Variants in NAT10 observed in about 807,000 individuals in gnomAD.
NAT10 encodes N-acetyltransferase 10.
NAT10 carries 109 observed loss-of-function variants against 132.2 expected under a neutral mutation model. The ratio of observed to expected loss-of-function variants is 0.82; its 90% confidence interval spans 0.71 to 0.97. NAT10 has a LOEUF of 0.97. NAT10 is among the 50% of genes least tolerant of loss of function. The pLI is 0.00. For synonymous variants in NAT10, 479 were observed against 478.0 expected (o/e 1.00, Z -0.03); for missense variants, 1,184 against 1,263.4 (o/e 0.94, Z 0.95).
At chr11:34,130,762 A>C (rs549558295) in intron 12 of NAT10, 51 bp from the exon 13 acceptor site, 3 of 1,609,228 alleles carry the variant, frequency 1.9e-6, no homozygotes, top group Non-Finnish European at 2.5e-6. Flanking sequence ...GTCCCCTCCT[A>C]GACAGTGGAT....
chr11:34,133,086 C>T lies in NAT10; in HGVS notation c.1678C>T (p.Leu560=), dbSNP rs1273867833. 6.2e-6 allele frequency: 10 copies of T among 1,613,302 alleles called. No homozygotes were observed. The highest frequency in any genetic ancestry group is 8.5e-6 in the Non-Finnish European group (10 of 1,179,302). The change falls in exon 16 of 29, where the codon CTG becomes TTG. Residue 560 remains leucine, a synonymous_variant. Transcript: ENST00000257829. ...ACCTGCTCACCATCTCTTCTGCCTT[C>T]TGCCTCCCGTGCCCCCCACCCAGAA... is the stretch of plus-strand genomic sequence containing the variant. The part of the protein sequence containing the change: ...DAPAHHLFCL[L]PPVPPTQNAL...
chr11:34,145,455 G>A (rs914953192), intron 28 of NAT10, among the ~76,000 whole-genome samples: 2 of 152,176 alleles, frequency 1.3e-5, no homozygotes, highest in Non-Finnish European at 2.9e-5. Context: ...TTTGTTCCCA[G>A]AGCAAAATTT....
chr11:34,107,154 C>T (rs1851610276), intron 1 of NAT10: 1 of 151,970 alleles, frequency 6.6e-6, no homozygotes, highest in African/African-American at 2.4e-5. Flanking sequence ...TTGCCTCAGC[C>T]TCTCCTGCAG....
chr11:34,131,603 C>T, intron 14 of NAT10, 72 bp downstream of exon 14: 1 of 1,469,188 alleles, frequency 6.8e-7, no homozygotes, highest in Non-Finnish European at 9.1e-7. Flanking sequence ...GGACTTGAGT[C>T]CTTTGTTTCA....
In NAT10 at chr11:34,141,787, G is replaced by C. The variant is rs1852338108; in HGVS notation, c.2781G>C (p.Glu927Asp). 2 of 1,613,830 alleles carry C rather than the reference G, an allele frequency of 1.2e-6. No individual in the cohort carries two copies. The highest frequency in any genetic ancestry group is 1.7e-4 in the Middle Eastern group (1 of 5,904). ...TGGCAGCGAAGGATGTGGTCATGGA[G>C]CCCACGATGAAGACCCTCAGTGACG... ...QMVAAKDVVM[E>D]PTMKTLSDDL... The change falls in exon 26 of 29, where the codon GAG (glutamate) becomes GAC (aspartate). Residue 927 changes from glutamate to aspartate, a missense_variant. Transcript: ENST00000257829.
At chr11:34,142,155 A>G (rs1419642996) in intron 26 of NAT10, 120 bp from the exon 27 acceptor site, 3 of 926,224 alleles carry the variant, frequency 3.2e-6, no homozygotes, top group Admixed American at 4.3e-5. Context: ...TTTTGCAGGT[A>G]GATGGAAGAG....
At chr11:34,126,962 C>T (rs547076380) in intron 11 of NAT10, among the ~76,000 whole-genome samples, 52 of 152,260 alleles carry the variant, frequency 3.4e-4, no homozygotes, top group Non-Finnish European at 4.7e-4. Flanking sequence ...GCACAGTGCC[C>T]GGCATGAGAA....
At chr11:34,142,096 A>G (rs941198378) in intron 26 of NAT10, 179 bp from the exon 27 acceptor site, 23 of 648,512 alleles carry the variant, frequency 3.5e-5, no homozygotes, top group South Asian at 9.9e-5. Flanking sequence ...TCTTAAATGC[A>G]TAGTTTATAA....
At chr11:34,117,020 C>T (rs766318841) in intron 6 of NAT10, among the ~76,000 whole-genome samples, 2 of 152,120 alleles carry the variant, frequency 1.3e-5, no homozygotes, top group Non-Finnish European at 2.9e-5. Context: ...CGTGAGCCAC[C>T]GTGCCCGATC....
intron 6 of NAT10, among the ~76,000 whole-genome samples, chr11:34,117,468 G>A (rs1321995708): frequency 6.6e-6 from 1 of 152,152 alleles, no homozygotes; most frequent in Non-Finnish European, 1.5e-5. Context: ...AGAATTATCT[G>A]GTCCAAAATG....
Position 34,141,181 on chromosome 11 carries a change from C to T in NAT10, c.2685C>T (p.Phe895=), listed in dbSNP as rs1478588262. Residue 895 remains phenylalanine (F), a synonymous_variant, in exon 25 of 29, where the codon TTC becomes TTT. Coordinates refer to ENST00000257829, the MANE Select transcript of NAT10 (RefSeq NM_024662.3). ...ELPSGQLMGL[F]NRIIRKVVKL... ...CCTCGGGCCAGTTGATGGGACTTTT[C>T]AACCGGATCATCCGCAAAGTTGTGA... 6.2e-6 allele frequency: 10 copies of T among 1,613,936 alleles called. No individual in the cohort carries two copies. The highest frequency in any genetic ancestry group is 8.5e-6 in the Non-Finnish European group (10 of 1,180,020).
At chr11:34,141,039 G>T in intron 24 of NAT10, 50 bp from the exon 25 acceptor site, 1 of 1,611,784 alleles carries the variant, frequency 6.2e-7, no homozygotes, top group South Asian at 1.1e-5. Context: ...CCATTTTAAT[G>T]GGCAAGGGCG....
At position 34,113,715 on chromosome 11, in the gene NAT10, G is replaced by A. The variant is rs1313153016; in HGVS notation, c.373-1G>A. 1.2e-6 allele frequency: 2 copies of A among 1,611,706 alleles called. No individual in the cohort carries two copies. Among genetic ancestry groups the A allele is most frequent in the South Asian group, 2.2e-5 (2 of 90,732 alleles). The stretch of plus-strand genomic sequence containing the variant: ...CCCTTTCTAACGCCCCCTTCTTCCA[G>A]GATTTTGAAGCCTTAACTCCAAACT... On this transcript the variant is annotated splice_acceptor_variant, in intron 4 of 28. Transcript: ENST00000257829. LOFTEE classifies it high-confidence loss of function.
rs1401564656 is a variant in NAT10 at position 34,118,377 on chromosome 11, C to A, written c.673-19C>A. On this transcript the variant is annotated intron_variant, in intron 7 of 28. Transcript: ENST00000257829. ...TCCTGTGACAGTGACAGACCTTCCC[C>A]TTCTCCTCTCTCTGGTAGGATGAGA... 1 of 1,612,912 alleles carries A rather than the reference C, an allele frequency of 6.2e-7. No homozygotes were observed. The highest frequency in any genetic ancestry group is 1.7e-5 in the Admixed American group (1 of 60,008).
chr11:34,108,300 C>T lies in NAT10; in HGVS notation c.75C>T (p.Leu25=). The T allele has an allele frequency of 6.2e-7, 1 of 1,614,140 alleles. No homozygotes were observed. Among genetic ancestry groups the T allele is most frequent in the Non-Finnish European group, 8.5e-7 (1 of 1,180,004 alleles). ...ENGVAERQRS[L]FVVVGDRGKD... ...GAGTAGCTGAGCGGCAAAGATCTCT[C>T]TTTGTTGTAGTTGGGGATCGAGGAA... Residue 25 remains leucine (L), a synonymous_variant, in exon 2 of 29, where the codon CTC becomes CTT. Coordinates refer to ENST00000257829, the MANE Select transcript of NAT10 (RefSeq NM_024662.3).
At chr11:34,122,299 G>C (rs371822736) in intron 8 of NAT10, among the ~76,000 whole-genome samples, 160 bp from the exon 9 acceptor site, 1 of 152,184 alleles carries the variant, frequency 6.6e-6, no homozygotes, top group South Asian at 2.1e-4. Context: ...ATGACCAAGG[G>C]AGTGAGAAGT....
chr11:34,111,268 G>C (rs1851689699), intron 3 of NAT10, among the ~76,000 whole-genome samples: 1 of 152,192 alleles, frequency 6.6e-6, no homozygotes, highest in Non-Finnish European at 1.5e-5. Flanking sequence ...CGGGCTTAAG[G>C]CCTGAGCCAG....
At chr11:34,110,097 A>G (rs1851666472) in intron 3 of NAT10, among the ~76,000 whole-genome samples, 1 of 152,014 alleles carries the variant, frequency 6.6e-6, no homozygotes, top group Non-Finnish European at 1.5e-5. Context: ...TCACCTAAGA[A>G]ATAGTCTCCT....
chr11:34,122,395 G>T, intron 8 of NAT10, 64 bp from the exon 9 acceptor site: 1 of 1,602,240 alleles, frequency 6.2e-7, no homozygotes, highest in South Asian at 1.1e-5. Context: ...CCACAGTGAT[G>T]GTGATGAATG....
Sources: allele counts gnomAD v4.1 joint callset (sites outside exome capture counted in the v4.1 genomes callset), GRCh38; gene constraint gnomAD v4.1.1; transcripts MANE v1.5; gene names NCBI Gene and HGNC (gene_info 2026-07-23, HGNC 2026-07-21).